ELAPOR2: variants seen among roughly 807,000 people sequenced by gnomAD.
ELAPOR2 encodes the protein endosome-lysosome associated apoptosis and autophagy regulator family member 2.
Under a neutral mutation model 120.7 loss-of-function variants are expected in ELAPOR2, and 89 were observed. That is an observed-to-expected ratio of 0.74 (90% CI 0.62 to 0.88). ELAPOR2 has a LOEUF of 0.88. Ranked by LOEUF, ELAPOR2 falls within the 40% of genes least tolerant of loss-of-function variation. The pLI, the probability that ELAPOR2 is intolerant of heterozygous loss-of-function variation, is 0.00. For synonymous variants in ELAPOR2, 444 were observed against 444.9 expected (o/e 1.00, Z 0.03); for missense variants, 1,134 against 1,251.6 (o/e 0.91, Z 1.42).
chr7:86,923,040 T>G (rs1789897017), intron 10 of ELAPOR2, among the ~76,000 whole-genome samples: 1 of 151,994 alleles, frequency 6.6e-6, no homozygotes, highest in African/African-American at 2.4e-5. Context: ...ATTTGTCTAG[T>G]GTATACTTTT....
chr7:87,055,417 G>A (rs902644544), intron 1 of ELAPOR2, among the ~76,000 whole-genome samples: 3 of 152,102 alleles, frequency 2.0e-5, no homozygotes, highest in Non-Finnish European at 4.4e-5. Context: ...GTGATATAAG[G>A]TCCCTTATGA....
rs1276573465 is a variant in ELAPOR2, at chr7:87,040,988, C to T, written c.189+18337G>A. On this transcript the variant is annotated intron_variant, in intron 1 of 21. Coordinates refer to ENST00000450689, the MANE Select transcript of ELAPOR2 (RefSeq NM_001142749.3). ...AATGGAGAAGCCTCAGGAGCCGATG[C>T]GATCAACTGGAAGAAAGGGTATCAG... 9.9e-5 allele frequency among the ~76,000 whole-genome samples: 15 copies of T among 151,782 alleles called. 1 individual carries two copies. The highest frequency in any genetic ancestry group is 8.5e-4 in the Admixed American group (13 of 15,270).
intron 2 of ELAPOR2, among the ~76,000 whole-genome samples, chr7:86,957,163 G>T (rs898500372): frequency 6.6e-6 from 1 of 152,138 alleles, no homozygotes; most frequent in African/African-American, 2.4e-5. Flanking sequence ...TAACCTTTCA[G>T]CTATCACTTG....
chr7:87,011,268 AG>A lies in ELAPOR2; in HGVS notation c.190-46245del, dbSNP rs1398901082. On this transcript the variant is annotated intron_variant, in intron 1 of 21. Transcript: ENST00000450689. Reference sequence around the variant, plus strand: ...CCATCTCAAAAAAAAAAAAAAAAAAAGAAAAGAAAAAGAAAATACACCACCA... The same window carrying A: ...CCATCTCAAAAAAAAAAAAAAAAAAAAAAAGAAAAAGAAAATACACCACCA... Among the ~76,000 whole-genome samples, 1,332 of 147,040 alleles carry A rather than the reference AG, an allele frequency of 9.1e-3. 18 individuals carry two copies. Among genetic ancestry groups the A allele is most frequent in the African/African-American group, 0.033 (1,264 of 38,222 alleles).
intron 1 of ELAPOR2, among the ~76,000 whole-genome samples, chr7:87,053,577 G>A (rs1166032398): frequency 6.6e-6 from 1 of 152,166 alleles, no homozygotes; most frequent in Admixed American, 6.5e-5. Context: ...TTAGCTGGGT[G>A]CCCTTGGAGA....
intron 8 of ELAPOR2, among the ~76,000 whole-genome samples, chr7:86,934,694 C>A (rs1160400672): frequency 6.6e-6 from 1 of 151,982 alleles, no homozygotes; most frequent in Non-Finnish European, 1.5e-5. Flanking sequence ...GCTTTAATTG[C>A]CAGCTATTTG....
intron 1 of ELAPOR2, among the ~76,000 whole-genome samples, chr7:87,037,667 A>AT (rs1794631722): frequency 6.6e-6 from 1 of 152,108 alleles, no homozygotes; most frequent in African/African-American, 2.4e-5. Flanking sequence ...AATCTTTCTA[A>AT]TTTGATGTTA....
At chr7:87,058,393 TC>T (rs1795328812) in intron 1 of ELAPOR2, among the ~76,000 whole-genome samples, 2 of 152,200 alleles carry the variant, frequency 1.3e-5, no homozygotes, top group African/African-American at 4.8e-5. Flanking sequence ...ATTCCATATA[TC>T]CTCCCAACAC....
chr7:86,906,910 G>C (rs1295503149), intron 18 of ELAPOR2, among the ~76,000 whole-genome samples: 1 of 151,760 alleles, frequency 6.6e-6, no homozygotes, highest in Admixed American at 6.6e-5. Flanking sequence ...AAAATATAAA[G>C]TAATAAATAA....
At chr7:86,979,722 G>C (rs186107356) in intron 1 of ELAPOR2, among the ~76,000 whole-genome samples, 1 of 152,296 alleles carries the variant, frequency 6.6e-6, no homozygotes, top group Admixed American at 6.5e-5. Flanking sequence ...GGTAGTATCA[G>C]GTCAAGCCAA....
At position 86,938,954 on chromosome 7, in the gene ELAPOR2, G is replaced by A. The variant is rs533771611; in HGVS notation, c.854C>T (p.Ala285Val). 9.3e-6 allele frequency: 15 copies of A among 1,612,802 alleles called. No individual in the cohort carries two copies. Among genetic ancestry groups the A allele is most frequent in the South Asian group, 4.4e-5 (4 of 91,046 alleles). ...GCAAGGAAAACATTCTGATGTGTACGCCACCCCTGTGCAGTAATGAAAAAC... is the reference window on the plus strand; with the variant it reads ...GCAAGGAAAACATTCTGATGTGTACACCACCCCTGTGCAGTAATGAAAAAC... ...LVKNITIEGV[A>V]YTSECFPCKP... The change falls in exon 7 of 22, where the codon GCG (alanine) becomes GTG (valine). Residue 285 changes from alanine to valine, a missense_variant. Physicochemically the swap from Ala to Val is moderately conservative, Grantham distance 64. Transcript: ENST00000450689.
chr7:86,978,759 A>G (rs536972991), intron 1 of ELAPOR2, among the ~76,000 whole-genome samples: 1 of 152,330 alleles, frequency 6.6e-6, no homozygotes, highest in Admixed American at 6.5e-5. Context: ...ACACCTCTTT[A>G]TCTTGTAAGG....
At chr7:86,936,053 T>A (rs1490189716) in intron 8 of ELAPOR2, among the ~76,000 whole-genome samples, 1 of 151,970 alleles carries the variant, frequency 6.6e-6, no homozygotes, top group Non-Finnish European at 1.5e-5. Context: ...GATTTCCTTG[T>A]CAATCAACTC....
At chr7:86,961,686 T>C (rs1791714492) in intron 2 of ELAPOR2, among the ~76,000 whole-genome samples, 1 of 152,244 alleles carries the variant, frequency 6.6e-6, no homozygotes, top group African/African-American at 2.4e-5. Context: ...ATGAGGAGAA[T>C]GACCCAACAG....
rs894813704 is a variant in ELAPOR2, at chr7:86,883,012, C to T, written c.3031-2482G>A. On this transcript the variant is annotated intron_variant, in intron 21 of 21. Transcript: ENST00000450689. ...TCTTGTTCTTGACATACTGGATGAT[C>T]GTTTGAAAGGGGTGTGTGTGTGTGT... Among the ~76,000 whole-genome samples the T allele has an allele frequency of 3.5e-5, 5 of 143,414 alleles. No homozygotes were observed. The East Asian group carries it at 6.1e-4, about 18-fold the overall frequency. 94.1% of individuals were successfully genotyped at this position (143,414 alleles called of 152,430 possible). A position where few individuals can be genotyped will look rare whatever the true frequency, so the allele number is the denominator to read the frequency against.
At chr7:86,904,360 G>A (rs1011667396) in intron 18 of ELAPOR2, among the ~76,000 whole-genome samples, 1 of 152,170 alleles carries the variant, frequency 6.6e-6, no homozygotes, top group African/African-American at 2.4e-5. Context: ...ATGATTAGAG[G>A]TTTGGGAAGC....
chr7:86,885,201 C>A (rs917100934), intron 21 of ELAPOR2, among the ~76,000 whole-genome samples: 1 of 152,140 alleles, frequency 6.6e-6, no homozygotes, highest in Non-Finnish European at 1.5e-5. Context: ...AAGATAGATT[C>A]TTTAAACATG....
chr7:86,985,474 T>C (rs1241894546), intron 1 of ELAPOR2, among the ~76,000 whole-genome samples: 2 of 152,070 alleles, frequency 1.3e-5, no homozygotes, highest in African/African-American at 4.8e-5. Flanking sequence ...CAGCAGCACA[T>C]CAAAAAGCTT....
chr7:86,882,588 G>A (rs930511781), intron 21 of ELAPOR2, among the ~76,000 whole-genome samples: 4 of 152,090 alleles, frequency 2.6e-5, no homozygotes, highest in Non-Finnish European at 5.9e-5. Context: ...AATTAGGTAG[G>A]TAGTGCCACT....
Sources: gnomAD v4.1 joint callset for allele counts (sites outside exome capture counted in the v4.1 genomes callset) on GRCh38, gnomAD v4.1.1 for gene constraint, MANE v1.5 for transcripts, NCBI Gene and HGNC (gene_info 2026-07-23, HGNC 2026-07-21) for gene names.